Variants in ABCC10 observed in about 807,000 individuals in gnomAD.
ABCC10 encodes ATP-binding cassette sub-family C member 10.
In ABCC10, 110 loss-of-function variants were observed where a neutral mutation model predicts 143.2. That is an observed-to-expected ratio of 0.77 (90% CI 0.66 to 0.90). The LOEUF (loss-of-function observed/expected upper bound fraction) is 0.90, where lower values mean the gene tolerates loss of function less well. Among genes scored for constraint, ABCC10 ranks in the 40% least tolerant of loss-of-function variants. The probability of loss-of-function intolerance (pLI) is 0.00; values close to 1 mark genes in which losing one functional copy is unlikely to be tolerated. For synonymous variants in ABCC10, 805 were observed against 846.7 expected, an observed-to-expected ratio of 0.95 and a Z score of 0.85; for missense variants, 1,700 against 1,900.5, an observed-to-expected ratio of 0.89 and a Z score of 1.96.
rs1462299849 is a variant in ABCC10 at position 43,438,750 on chromosome 6, G to A, written c.2082G>A (p.Leu694=). 12 of 1,614,218 alleles carry A rather than the reference G, an allele frequency of 7.4e-6. No individual in the cohort carries two copies. The highest frequency in any genetic ancestry group is 1.3e-5 in the African/African-American group (1 of 75,056). ...TTGGGAAGACATTTGATGCACAGCT[G>A]TACAAGGAGGTGCTAGAAGCCTGCG... ...ILFGKTFDAQ[L]YKEVLEACAL... is the part of the protein sequence containing the mutation. Residue 694 remains leucine (L), a synonymous_variant, in exon 8 of 22, where the codon CTG becomes CTA. Transcript: ENST00000372530.
At chr6:43,431,291 G>A (rs1179192232) in intron 2 of ABCC10, among the ~76,000 whole-genome samples, 1 of 152,138 alleles carries the variant, frequency 6.6e-6, no homozygotes, top group East Asian at 1.9e-4. Flanking sequence ...GAATTTAAGG[G>A]TACTGTTAGG....
chr6:43,432,643 G>C lies in ABCC10; in HGVS notation c.663G>C (p.Leu221=). ...PEVAEDGESW[L]SRFSYAWLAP... ...TGGCTGAAGATGGGGAGAGTTGGCTGTCACGCTTTTCCTATGCCTGGCTGG... is the reference window on the plus strand; with the variant it reads ...TGGCTGAAGATGGGGAGAGTTGGCTCTCACGCTTTTCCTATGCCTGGCTGG... Residue 221 remains leucine (L), a synonymous_variant, in exon 3 of 22, where the codon CTG becomes CTC. Transcript: ENST00000372530. The C allele has an allele frequency of 6.2e-7, 1 of 1,613,910 alleles. No homozygotes were observed. Among genetic ancestry groups the C allele is most frequent in the Non-Finnish European group, 8.5e-7 (1 of 1,180,028 alleles).
intron 6 of ABCC10, 93 bp downstream of exon 6, chr6:43,436,340 G>C: frequency 6.9e-7 from 1 of 1,449,562 alleles, no homozygotes; most frequent in Non-Finnish European, 9.5e-7. Context: ...AATCATAGCT[G>C]ATGGCTCTGC....
chr6:43,451,236 T>G, downstream of ABCC10: 1 of 1,614,130 alleles, frequency 6.2e-7, no homozygotes, highest in Non-Finnish European at 8.5e-7. This position sits in a 1 kb window ranked among gnomAD's most constrained non-coding sequence, Gnocchi z 4.4. Flanking sequence ...AGCAAAGCCC[T>G]GGTCGTCCTG....
chr6:43,444,737 G>C, intron 12 of ABCC10, 51 bp from the exon 13 acceptor site: 2 of 1,533,778 alleles, frequency 1.3e-6, no homozygotes, highest in Non-Finnish European at 1.7e-6. Context: ...GGAATAGAAT[G>C]AACAAGGGAG....
At chr6:43,442,136 G>C (rs1782541026) in intron 9 of ABCC10, 176 bp downstream of exon 9, 1 of 519,860 alleles carries the variant, frequency 1.9e-6, no homozygotes, top group East Asian at 3.6e-5. Flanking sequence ...TTAAGGCAGA[G>C]TTCAAGGCCT....
rs1782946528 is a variant in ABCC10, at chr6:43,445,446, A to G, written c.3030+132A>G. The G allele has an allele frequency of 4.4e-6, 6 of 1,353,320 alleles. No homozygotes were observed. In the South Asian group the frequency reaches 6.9e-5, roughly 15 times the overall value. The allele number at this position is 1,353,320 out of a possible 1,614,324, so 83.8% of individuals were successfully genotyped here. A position where few individuals can be genotyped will look rare whatever the true frequency, so the allele number is the denominator to read the frequency against. On this transcript the variant is annotated intron_variant, in intron 14 of 21. Transcript: ENST00000372530. ...GGATATTCTTCCTCAACCTCTGCCAATCTCTCTTCTCTGCCCCCAAATTCT... is the reference window on the plus strand; with the variant it reads ...GGATATTCTTCCTCAACCTCTGCCAGTCTCTCTTCTCTGCCCCCAAATTCT...
intron 8 of ABCC10, among the ~76,000 whole-genome samples, chr6:43,439,825 G>A (rs956649453): frequency 5.3e-5 from 8 of 152,046 alleles, no homozygotes; most frequent in Non-Finnish European, 1.2e-4. Context: ...CTTGTGATCT[G>A]CCCACCTTGG....
At chr6:43,430,375 GC>G (rs778293258) in intron 2 of ABCC10, among the ~76,000 whole-genome samples, 17 of 152,268 alleles carry the variant, frequency 1.1e-4, no homozygotes, top group Non-Finnish European at 1.6e-4. Context: ...ACAGGCTTGA[GC>G]CACCATGCCC....
chr6:43,436,226 C>T lies in ABCC10; in HGVS notation c.1854C>T (p.Ile618=). 6.2e-7 allele frequency: 1 copy of T among 1,614,052 alleles called. No individual in the cohort carries two copies. Among genetic ancestry groups the T allele is most frequent in the Non-Finnish European group, 8.5e-7 (1 of 1,180,006 alleles). The change falls in exon 6 of 22, where the codon ATC becomes ATT. Residue 618 remains isoleucine (I), a synonymous_variant. Transcript: ENST00000372530. The part of the protein sequence containing the change: ...DPVGTSLETF[I]SHLEVKKGML... ...TTGGAACCAGCCTGGAGACCTTCAT[C>T]AGTCATCTCGAAGTGAAAAAGGTTT... is the stretch of plus-strand genomic sequence containing the variant.
intron 2 of ABCC10, among the ~76,000 whole-genome samples, chr6:43,429,256 A>C (rs1422502977): frequency 6.6e-6 from 1 of 152,210 alleles, no homozygotes; most frequent in East Asian, 1.9e-4. Context: ...TTGATGGCCA[A>C]CTTGGGGCCA....
chr6:43,435,642 G>T (rs1781609681), intron 4 of ABCC10, 109 bp from the exon 5 acceptor site: 13 of 1,342,620 alleles, frequency 9.7e-6, no homozygotes, highest in Non-Finnish European at 1.2e-5. Context: ...CAGCCCTTCA[G>T]TTCTGTCATT....
downstream of ABCC10, chr6:43,450,511 G>A: frequency 6.5e-7 from 1 of 1,526,886 alleles, no homozygotes; most frequent in Non-Finnish European, 8.8e-7. The surrounding 1 kb of genome is among the most constrained non-coding windows in gnomAD (Gnocchi z 4.5). Context: ...AAGAGGTGAG[G>A]AAGGGGGCCA....
chr6:43,443,408 C>G lies in ABCC10; in HGVS notation c.2416+249C>G, dbSNP rs1022674661. The G allele has an allele frequency of 2.3e-6, 1 of 430,362 alleles. No individual in the cohort carries two copies. The highest frequency in any genetic ancestry group is 2.0e-5 in the African/African-American group (1 of 49,678). The allele number at this position is 430,362 out of a possible 1,614,324, so 26.7% of individuals were successfully genotyped here. On this transcript the variant is annotated intron_variant, in intron 10 of 21. Coordinates refer to ENST00000372530, the MANE Select transcript of ABCC10 (RefSeq NM_001198934.2). The surrounding 1 kb of genome is among the most constrained non-coding windows in gnomAD (Gnocchi z 4.2). ...TCTTGGGAACTTAAAGGCCCAGGGT[C>G]TCTGAGAACATTCTCATATCTTCAG...
At chr6:43,434,457 C>G in intron 3 of ABCC10, 164 bp from the exon 4 acceptor site, 2 of 647,990 alleles carry the variant, frequency 3.1e-6, no homozygotes, top group South Asian at 4.2e-5. Flanking sequence ...GGCAGGATTT[C>G]CAGAAAGTAC....
At chr6:43,432,111 T>C (rs1277386192) in intron 2 of ABCC10, 31 bp from the exon 3 acceptor site, 1 of 1,607,520 alleles carries the variant, frequency 6.2e-7, no homozygotes, top group Non-Finnish European at 8.5e-7. Flanking sequence ...TCAGCCACGA[T>C]GTGCCTCCTT....
At chr6:43,436,770 T>G (rs956254972) in intron 6 of ABCC10, among the ~76,000 whole-genome samples, 5 of 152,230 alleles carry the variant, frequency 3.3e-5, no homozygotes, top group Admixed American at 2.6e-4. Flanking sequence ...TCTCCTGACC[T>G]TTGTCCAACC....
chr6:43,437,605 G>A (rs796460812), intron 6 of ABCC10, among the ~76,000 whole-genome samples: 26 of 152,112 alleles, frequency 1.7e-4, no homozygotes, highest in African/African-American at 4.3e-4. Flanking sequence ...TCCCTCTCCC[G>A]TTCTGGAGTG....
intron 17 of ABCC10, 68 bp downstream of exon 17, chr6:43,447,476 CCT>C (rs1372817338): frequency 1.3e-6 from 2 of 1,572,138 alleles, no homozygotes; most frequent in Non-Finnish European, 1.7e-6. Flanking sequence ...CCTCACAATT[CCT>C]TTCTTTTTGC....
Sources: allele counts gnomAD v4.1 joint callset (sites outside exome capture counted in the v4.1 genomes callset), GRCh38; gene constraint gnomAD v4.1.1; non-coding constraint Gnocchi (gnomAD v3.1); transcripts MANE v1.5; gene names NCBI Gene and HGNC (gene_info 2026-07-23, HGNC 2026-07-21).